KCTD9: variants seen among roughly 807,000 people sequenced by gnomAD.
KCTD9 encodes BTB/POZ domain-containing protein KCTD9.
In KCTD9, 17 loss-of-function variants were observed where a neutral mutation model predicts 53.3. The ratio of observed to expected loss-of-function variants is 0.32; its 90% CI spans 0.22 to 0.48. KCTD9 has a LOEUF of 0.48. Among genes scored for constraint, KCTD9 ranks in the 20% least tolerant of loss-of-function variants. The pLI is 0.99. For missense variants in KCTD9, 179 were observed against 465.5 expected (o/e 0.38, Z 5.66); for synonymous variants, 128 against 162.7 (o/e 0.79, Z 1.62).
At position 25,429,692 on chromosome 8, in the gene KCTD9, G is replaced by GT. The variant is rs1037616181; in HGVS notation, c.*164dup. Reference sequence around the variant, plus strand: ...AAATCAGAATATGGAAAAAAAGTCAGTTTTTTCCCTTATGCACCACTCAAA... The same window carrying GT: ...AAATCAGAATATGGAAAAAAAGTCAGTTTTTTTCCCTTATGCACCACTCAAA... On this transcript the variant is annotated 3_prime_UTR_variant, in exon 12 of 12. Transcript: ENST00000221200. 3 of 557,072 alleles carry GT rather than the reference G, an allele frequency of 5.4e-6. No homozygotes were observed. The highest frequency in any genetic ancestry group is 6.1e-5 in the Admixed American group (2 of 32,666). 34.5% of individuals were successfully genotyped at this position (557,072 alleles called of 1,614,324 possible). A position where few individuals can be genotyped will look rare whatever the true frequency, so the allele number is the denominator to read the frequency against.
intron 11 of KCTD9, 41 bp downstream of exon 11, chr8:25,432,463 G>A (rs1318934564): frequency 1.9e-6 from 3 of 1,577,170 alleles, no homozygotes; most frequent in African/African-American, 1.4e-5. Context: ...TGCTTAGTAA[G>A]TCTAGAGTAA....
At chr8:25,432,771 CTTATATA>C in intron 10 of KCTD9, 134 bp from the exon 11 acceptor site, 1 of 716,970 alleles carries the variant, frequency 1.4e-6, no homozygotes, top group South Asian at 2.0e-5. Flanking sequence ...TCTCAACGAA[CTTATATA>C]TATAAACAGT....
chr8:25,439,525 G>T, intron 5 of KCTD9, 81 bp downstream of exon 5: 1 of 1,576,338 alleles, frequency 6.3e-7, no homozygotes, highest in Non-Finnish European at 8.7e-7. Flanking sequence ...TAATTAGTAA[G>T]TACAGAAGGT....
chr8:25,446,029 C>A, intron 2 of KCTD9, 100 bp downstream of exon 2: 2 of 1,452,460 alleles, frequency 1.4e-6, no homozygotes, highest in Non-Finnish European at 1.9e-6. Flanking sequence ...TGCCAAAATC[C>A]TGTACTCTTA....
chr8:25,430,608 T>A (rs1801908803), intron 11 of KCTD9, among the ~76,000 whole-genome samples: 1 of 152,100 alleles, frequency 6.6e-6, no homozygotes, highest in Non-Finnish European at 1.5e-5. Flanking sequence ...TATGGTGAGT[T>A]ATATAATTAT....
chr8:25,457,368 C>A (rs1802469395), intron 1 of KCTD9: 1 of 985,026 alleles, frequency 1.0e-6, no homozygotes, highest in African/African-American at 1.7e-5. Flanking sequence ...CTGCCTCGAA[C>A]AGTGAAAATT....
intron 1 of KCTD9, among the ~76,000 whole-genome samples, chr8:25,451,827 G>T (rs1802325589): frequency 6.6e-6 from 1 of 151,936 alleles, no homozygotes; most frequent in Non-Finnish European, 1.5e-5. Context: ...ATACCCACAA[G>T]ATTTATTACA....
At chr8:25,435,569 T>A in intron 8 of KCTD9, 57 bp from the exon 9 acceptor site, 3 of 1,492,334 alleles carry the variant, frequency 2.0e-6, no homozygotes, top group Non-Finnish European at 2.7e-6. Context: ...TGTATTAAAT[T>A]TAATTACTAT....
At chr8:25,440,995 A>G (rs549100949) in intron 3 of KCTD9, among the ~76,000 whole-genome samples, 1 of 152,378 alleles carries the variant, frequency 6.6e-6, no homozygotes, top group Non-Finnish European at 1.5e-5. Context: ...AGTCTAGCTG[A>G]AAACAACAGA....
chr8:25,456,728 G>C (rs1437323079), intron 1 of KCTD9, among the ~76,000 whole-genome samples: 1 of 151,988 alleles, frequency 6.6e-6, no homozygotes, highest in East Asian at 1.9e-4. Context: ...CAACAATATG[G>C]AAAGACCAAC....
chr8:25,440,293 C>A (rs983181192), intron 4 of KCTD9, among the ~76,000 whole-genome samples: 32 of 151,842 alleles, frequency 2.1e-4, no homozygotes, highest in African/African-American at 7.7e-4. Context: ...CTCCTGACCT[C>A]GTGATCCGCC....
Position 25,455,244 on chromosome 8 carries a change from TAATA to T in KCTD9, c.48+2951_48+2954del, listed in dbSNP as rs529396102. Among the ~76,000 whole-genome samples, 1,313 of 150,824 alleles carry T rather than the reference TAATA, an allele frequency of 8.7e-3. 20 individuals are homozygous for T. Among genetic ancestry groups the T allele is most frequent in the African/African-American group, 0.03 (1,219 of 41,186 alleles). On this transcript the variant is annotated intron_variant, in intron 1 of 11. Transcript: ENST00000221200. The stretch of plus-strand genomic sequence containing the variant: ...CGTCTCAAAAAATAATAATAATAAA[TAATA>T]AATAAATAAATAAAAGTAAAAAACA...
intron 1 of KCTD9, among the ~76,000 whole-genome samples, chr8:25,447,148 C>T (rs1387603377): frequency 6.6e-6 from 1 of 152,158 alleles, no homozygotes; most frequent in African/African-American, 2.4e-5. Flanking sequence ...AATCCCAGCA[C>T]TTTGTGAGGC....
intron 1 of KCTD9, among the ~76,000 whole-genome samples, chr8:25,454,431 GCA>G (rs1169871965): frequency 1.3e-5 from 2 of 149,736 alleles, no homozygotes; most frequent in African/African-American, 2.5e-5. Context: ...AGTAAAAAAA[GCA>G]CTCTGTGTTC....
At chr8:25,448,505 C>T (rs958805439) in intron 1 of KCTD9, among the ~76,000 whole-genome samples, 5 of 152,120 alleles carry the variant, frequency 3.3e-5, no homozygotes, top group Non-Finnish European at 5.9e-5. Context: ...ATGAATTACA[C>T]ATTTAAAAAA....
Position 25,428,339 on chromosome 8 carries a change from G to T in KCTD9, c.*1518C>A, listed in dbSNP as rs1801874428. ...TTTCTGAAGTTGCTTTCCTTCACTTGTAAAGGTCTGATCTCCTCCCACTAT... is the reference window on the plus strand; with the variant it reads ...TTTCTGAAGTTGCTTTCCTTCACTTTTAAAGGTCTGATCTCCTCCCACTAT... On this transcript the variant is annotated 3_prime_UTR_variant, in exon 12 of 12. Transcript: ENST00000221200. The T allele has an allele frequency of 1.3e-5, 2 of 152,540 alleles. No individual in the cohort carries two copies. Among genetic ancestry groups the T allele is most frequent in the South Asian group, 4.1e-4 (2 of 4,824 alleles). The allele number at this position is 152,540 out of a possible 1,614,324, so 9.4% of individuals were successfully genotyped here.
intron 4 of KCTD9, 29 bp downstream of exon 4, chr8:25,440,548 C>G (rs1367267186): frequency 1.4e-6 from 2 of 1,425,772 alleles, no homozygotes; most frequent in East Asian, 2.3e-5. Context: ...TTTGCATTCT[C>G]TTTCTAACAC....
chr8:25,455,531 G>C (rs1198742324), intron 1 of KCTD9, among the ~76,000 whole-genome samples: 2 of 152,088 alleles, frequency 1.3e-5, no homozygotes, highest in Admixed American at 1.3e-4. Flanking sequence ...TAGTCTCATG[G>C]TTTATACATA....
At chr8:25,446,371 G>T (rs1177342747) in intron 1 of KCTD9, 121 bp from the exon 2 acceptor site, 18 of 1,105,100 alleles carry the variant, frequency 1.6e-5, no homozygotes, top group African/African-American at 3.1e-5. Flanking sequence ...ACTTCAAAAG[G>T]TTCTTAACAG....
Sources: gnomAD v4.1 joint callset for allele counts (sites outside exome capture counted in the v4.1 genomes callset) on GRCh38, gnomAD v4.1.1 for gene constraint, MANE v1.5 for transcripts, NCBI Gene and HGNC (gene_info 2026-07-23, HGNC 2026-07-21) for gene names.